The following AFG2A variants were observed in gnomAD, a reference collection of about 807,000 sequenced individuals.
AFG2A encodes the protein ATPase family gene 2 protein homolog A.
the AFG2A span, among the ~76,000 whole-genome samples, chr4:123,296,929 G>T: frequency 6.6e-6 from 1 of 152,150 alleles, no homozygotes; most frequent in Non-Finnish European, 1.5e-5. Context: ...CAGAATTATA[G>T]CATGAAGTCA....
At chr4:123,013,793 T>A in the AFG2A span, among the ~76,000 whole-genome samples, 1 of 152,208 alleles carries the variant, frequency 6.6e-6, no homozygotes, top group Non-Finnish European at 1.5e-5. Flanking sequence ...ACAAGATAAA[T>A]ATATGTCTGC....
chr4:123,046,547 A>G, the AFG2A span, among the ~76,000 whole-genome samples: 1 of 152,130 alleles, frequency 6.6e-6, no homozygotes, highest in East Asian at 1.9e-4. Context: ...TTGCAGGCAC[A>G]TGTGATATTT....
At chr4:123,241,836 C>T in the AFG2A span, among the ~76,000 whole-genome samples, 6 of 152,186 alleles carry the variant, frequency 3.9e-5, no homozygotes, top group East Asian at 7.7e-4. Flanking sequence ...AAGCGGAAGT[C>T]AAATTGTCCC....
At chr4:123,310,869 T>C in the AFG2A span, among the ~76,000 whole-genome samples, 9 of 152,166 alleles carry the variant, frequency 5.9e-5, no homozygotes, top group Admixed American at 5.9e-4. Context: ...CCTTTATAAA[T>C]AAAAAGAAAC....
chr4:123,195,118 T>C, the AFG2A span, among the ~76,000 whole-genome samples: 1 of 152,114 alleles, frequency 6.6e-6, no homozygotes, highest in Non-Finnish European at 1.5e-5. Flanking sequence ...ATTTCTCTCA[T>C]CACTAAGACA....
the AFG2A span, among the ~76,000 whole-genome samples, chr4:123,072,310 A>G: frequency 1.3e-5 from 2 of 152,192 alleles, no homozygotes; most frequent in Non-Finnish European, 2.9e-5. Context: ...TAGGTATTCA[A>G]TGAACAATAG....
the AFG2A span, among the ~76,000 whole-genome samples, chr4:123,021,976 C>G: frequency 6.6e-6 from 1 of 151,526 alleles, no homozygotes; most frequent in Non-Finnish European, 1.5e-5. Context: ...GGAAAACTGG[C>G]TAGCCATATG....
chr4:123,086,640 T>G, the AFG2A span, among the ~76,000 whole-genome samples: 1 of 152,170 alleles, frequency 6.6e-6, no homozygotes, highest in South Asian at 2.1e-4. Flanking sequence ...CTATTACACA[T>G]GCTACACCTA....
chr4:123,048,402 C>T, the AFG2A span, among the ~76,000 whole-genome samples: 21 of 151,976 alleles, frequency 1.4e-4, no homozygotes, highest in Non-Finnish European at 2.5e-4. Flanking sequence ...CAAAGAATGC[C>T]CTTGGTATTT....
the AFG2A span, among the ~76,000 whole-genome samples, chr4:122,951,576 C>T: frequency 1.3e-5 from 2 of 152,128 alleles, no homozygotes; most frequent in Non-Finnish European, 2.9e-5. Context: ...CACAATTTTC[C>T]TTAAGGAATG....
At chr4:123,146,768 A>C in the AFG2A span, among the ~76,000 whole-genome samples, 1 of 133,366 alleles carries the variant, frequency 7.5e-6, no homozygotes, top group Non-Finnish European at 1.7e-5. Flanking sequence ...TCAGATCACA[A>C]GGGGTGGATG....
chr4:122,993,161 CT>C, the AFG2A span, among the ~76,000 whole-genome samples: 151 of 143,590 alleles, frequency 1.1e-3, no homozygotes, highest in Middle Eastern at 3.7e-3. Context: ...GATTTTTGTG[CT>C]TTTTTTTTTT....
the AFG2A span, among the ~76,000 whole-genome samples, chr4:123,158,189 A>G: frequency 6.6e-6 from 1 of 152,232 alleles, no homozygotes; most frequent in Non-Finnish European, 1.5e-5. Flanking sequence ...ACATATGACC[A>G]TTACAGCTTT....
At chr4:123,242,722 T>C in the AFG2A span, among the ~76,000 whole-genome samples, 1 of 152,082 alleles carries the variant, frequency 6.6e-6, no homozygotes, top group Admixed American at 6.5e-5. Flanking sequence ...CCGAAAGAAA[T>C]GGCAACAAAA....
At chr4:123,015,801 G>A in the AFG2A span, among the ~76,000 whole-genome samples, 2 of 136,614 alleles carry the variant, frequency 1.5e-5, no homozygotes, top group Non-Finnish European at 3.2e-5. Context: ...CGGGCGGCTC[G>A]GGTGGGGGGC....
the AFG2A span, among the ~76,000 whole-genome samples, chr4:123,249,837 TC>T: frequency 6.6e-6 from 1 of 152,132 alleles, no homozygotes; most frequent in Non-Finnish European, 1.5e-5. Flanking sequence ...GTTAGCCAGG[TC>T]TATGCATTAG....
the AFG2A span, among the ~76,000 whole-genome samples, chr4:123,309,400 G>T: frequency 3.9e-5 from 6 of 152,118 alleles, no homozygotes; most frequent in Non-Finnish European, 5.9e-5. Flanking sequence ...GCTCCATCAG[G>T]CTTCTTTTAT....
chr4:123,195,568 A>G, the AFG2A span, among the ~76,000 whole-genome samples: 2 of 152,234 alleles, frequency 1.3e-5, no homozygotes, highest in Admixed American at 1.3e-4. Context: ...TAGATTATAA[A>G]ACTGATATAA....
chr4:123,057,844 A>G, the AFG2A span, among the ~76,000 whole-genome samples: 1 of 152,100 alleles, frequency 6.6e-6, no homozygotes, highest in Non-Finnish European at 1.5e-5. Flanking sequence ...AGAACTGTTC[A>G]TAAGTATGTT....
Sources: gnomAD v4.1 joint callset for allele counts (sites outside exome capture counted in the v4.1 genomes callset) on GRCh38, gnomAD v4.1.1 for gene constraint, MANE v1.5 for transcripts, NCBI Gene and HGNC (gene_info 2026-07-23, HGNC 2026-07-21) for gene names.